MKLN1: variants seen among roughly 807,000 people sequenced by gnomAD.
MKLN1 encodes the protein muskelin 1.
In MKLN1, 18 loss-of-function variants were observed where a neutral mutation model predicts 99.0. The ratio of observed to expected loss-of-function variants is 0.18; its 90% CI spans 0.13 to 0.27. The LOEUF (loss-of-function observed/expected upper bound fraction) is 0.27, where lower values mean the gene tolerates loss of function less well. MKLN1 is among the 10% of genes least tolerant of loss of function. The probability of loss-of-function intolerance (pLI) is 1.00; values close to 1 mark genes in which losing one functional copy is unlikely to be tolerated. For synonymous variants in MKLN1, 288 were observed against 293.2 expected (o/e 0.98, Z 0.18); for missense variants, 621 against 875.9 (o/e 0.71, Z 3.67).
chr7:131,279,218 C>T (rs970750929), intron 3 of MKLN1, among the ~76,000 whole-genome samples: 4 of 152,128 alleles, frequency 2.6e-5, no homozygotes, highest in Non-Finnish European at 4.4e-5. Flanking sequence ...ATGATTAAAG[C>T]TATGAGAAAA....
At chr7:131,363,576 G>C (rs1452466344) in intron 1 of MKLN1, among the ~76,000 whole-genome samples, 2 of 151,968 alleles carry the variant, frequency 1.3e-5, no homozygotes, top group Non-Finnish European at 2.9e-5. Context: ...AGCCTGAGAA[G>C]GATGTGTTAT....
chr7:131,110,715 C>T (rs1795181302), intron 1 of MKLN1, among the ~76,000 whole-genome samples: 1 of 152,164 alleles, frequency 6.6e-6, no homozygotes, highest in Admixed American at 6.5e-5. Context: ...ACTTCATTCC[C>T]CTCACCATCC....
At chr7:131,388,845 T>G (rs763701534) in intron 3 of MKLN1, 39 bp from the exon 4 acceptor site, 1 of 1,376,936 alleles carries the variant, frequency 7.3e-7, no homozygotes. Context: ...TTTACTAAAT[T>G]ATGAAGTCAG....
rs545840025 is a variant in MKLN1 at position 131,256,876 on chromosome 7, G to A, written c.-179+53902G>A. On this transcript the variant is annotated intron_variant, in intron 3 of 7. Coordinates refer to the MKLN1 transcript ENST00000416992. ...TACTATGTTCAACTCCTTAGGCGAT[G>A]GGATCATTTGAAGCTCAAACCTCAG... is the stretch of plus-strand genomic sequence containing the variant. 8.1e-4 allele frequency among the ~76,000 whole-genome samples: 123 copies of A among 152,214 alleles called. 1 individual carries two copies. Among genetic ancestry groups the A allele is most frequent in the African/African-American group, 2.5e-3 (105 of 41,542 alleles).
At chr7:131,288,088 C>G (rs533491509) in intron 3 of MKLN1, among the ~76,000 whole-genome samples, 3 of 152,136 alleles carry the variant, frequency 2.0e-5, no homozygotes, top group Non-Finnish European at 4.4e-5. Flanking sequence ...TTAATACAAG[C>G]CCCATGTCCT....
chr7:131,156,683 A>G (rs906088934), intron 2 of MKLN1, among the ~76,000 whole-genome samples: 1 of 152,168 alleles, frequency 6.6e-6, no homozygotes, highest in African/African-American at 2.4e-5. Context: ...GGCTCTGCTA[A>G]GCCGCGATGT....
intron 3 of MKLN1, among the ~76,000 whole-genome samples, chr7:131,254,732 G>A (rs1797632709): frequency 6.6e-6 from 1 of 152,048 alleles, no homozygotes; most frequent in African/African-American, 2.4e-5. Flanking sequence ...AAGATAGATA[G>A]AGATTATTTA....
chr7:131,291,533 C>T (rs1798217066), intron 3 of MKLN1, among the ~76,000 whole-genome samples: 1 of 150,266 alleles, frequency 6.7e-6, no homozygotes, highest in Non-Finnish European at 1.5e-5. Flanking sequence ...ATATATAATG[C>T]AGAATACATA....
intron 3 of MKLN1, among the ~76,000 whole-genome samples, chr7:131,250,848 T>A (rs191588042): frequency 6.6e-6 from 1 of 152,268 alleles, no homozygotes; most frequent in Admixed American, 6.5e-5. Context: ...TCCTTCTACA[T>A]CCCTGGACTC....
chr7:131,195,874 C>T (rs1796635792), intron 2 of MKLN1, among the ~76,000 whole-genome samples: 1 of 152,094 alleles, frequency 6.6e-6, no homozygotes, highest in Admixed American at 6.6e-5. Context: ...CCGCTTGAAC[C>T]CAAGAGGCAG....
intron 1 of MKLN1, among the ~76,000 whole-genome samples, chr7:131,134,558 C>G (rs554936172): frequency 5.3e-5 from 8 of 152,278 alleles, no homozygotes; most frequent in African/African-American, 1.9e-4. Context: ...TTCAGCATCC[C>G]CTCTGCACTT....
chr7:131,328,052 G>C, intron 1 of MKLN1, 55 bp downstream of exon 1: 21 of 1,582,144 alleles, frequency 1.3e-5, no homozygotes, highest in Non-Finnish European at 1.8e-5. Flanking sequence ...CAGCACGGTT[G>C]GGCCAGGGGT....
chr7:131,472,705 C>G (rs1263027929), intron 16 of MKLN1, among the ~76,000 whole-genome samples: 1 of 152,086 alleles, frequency 6.6e-6, no homozygotes, highest in Non-Finnish European at 1.5e-5. Flanking sequence ...AATCCCAGCA[C>G]TTTGGGAGGC....
At chr7:131,319,658 T>A (rs1434063954) in intron 3 of MKLN1, among the ~76,000 whole-genome samples, 3 of 152,172 alleles carry the variant, frequency 2.0e-5, no homozygotes, top group Non-Finnish European at 4.4e-5. Context: ...TCAACTTGTC[T>A]CTGTTTGCAG....
intron 6 of MKLN1, among the ~76,000 whole-genome samples, chr7:131,408,517 T>C (rs537140000): frequency 1.6e-4 from 25 of 152,342 alleles, no homozygotes; most frequent in African/African-American, 5.8e-4. Context: ...CTATAATCTA[T>C]GTGGATTTTT....
intron 2 of MKLN1, among the ~76,000 whole-genome samples, chr7:131,173,579 C>T (rs750265270): frequency 2.0e-5 from 3 of 152,060 alleles, no homozygotes; most frequent in Non-Finnish European, 2.9e-5. Context: ...ATTAGCCTGG[C>T]GTGGTCATGC....
intron 12 of MKLN1, among the ~76,000 whole-genome samples, chr7:131,462,930 T>G (rs1189088880): frequency 1.3e-5 from 2 of 152,152 alleles, no homozygotes; most frequent in East Asian, 3.9e-4. Context: ...GAGACCAGCC[T>G]GGGCAACATA....
chr7:131,327,948 C>T lies in MKLN1; in HGVS notation c.49C>T (p.Pro17Ser). ...VAAAPECRLL[P>S]YALHKWSSFS... The stretch of plus-strand genomic sequence containing the variant: ...TGCGGCGCCCGAGTGCCGGCTTCTC[C>T]CCTACGCGCTACACAAGTGGAGCTC... The change falls in exon 1 of 18, where the codon CCC (proline) becomes TCC (serine). Residue 17 changes from proline to serine, a missense_variant. Coordinates refer to ENST00000352689, the MANE Select transcript of MKLN1 (RefSeq NM_013255.5). The T allele has an allele frequency of 1.2e-6, 2 of 1,613,816 alleles. No homozygotes were observed. The highest frequency in any genetic ancestry group is 1.7e-6 in the Non-Finnish European group (2 of 1,179,868).
Position 131,116,491 on chromosome 7 carries a change from C to A in MKLN1, c.-419+6284C>A, listed in dbSNP as rs769862222. Among the ~76,000 whole-genome samples, 3 of 152,018 alleles carry A rather than the reference C, an allele frequency of 2.0e-5. 1 individual carries two copies. The highest frequency in any genetic ancestry group is 4.4e-5 in the Non-Finnish European group (3 of 68,004). On this transcript the variant is annotated intron_variant, in intron 1 of 7. Coordinates refer to the MKLN1 transcript ENST00000416992. ...TCTTGTGAAATTATTTTCAGGAATT[C>A]AAGACTTCTGCAAATCAATTCACAC...
Sources: gnomAD v4.1 joint callset for allele counts (sites outside exome capture counted in the v4.1 genomes callset) on GRCh38, gnomAD v4.1.1 for gene constraint, MANE v1.5 for transcripts, NCBI Gene and HGNC (gene_info 2026-07-23, HGNC 2026-07-21) for gene names.